Variants in MGAT3 observed in about 807,000 individuals in gnomAD.
MGAT3 encodes the protein beta-1,4-mannosyl-glycoprotein 4-beta-N-acetylglucosaminyltransferase.
Under a neutral mutation model 29.8 loss-of-function variants are expected in MGAT3, and 9 were observed. That is an observed-to-expected ratio of 0.30 (90% CI 0.18 to 0.53). The LOEUF (loss-of-function observed/expected upper bound fraction) is 0.53, where lower values mean the gene tolerates loss of function less well. Among genes scored for constraint, MGAT3 ranks in the 20% least tolerant of loss-of-function variants. The pLI, the probability that MGAT3 is intolerant of heterozygous loss-of-function variation, is 0.96. For synonymous variants in MGAT3, 397 were observed against 348.9 expected, an observed-to-expected ratio of 1.14 and a Z score of -1.54; for missense variants, 557 against 769.5, an observed-to-expected ratio of 0.72 and a Z score of 3.27.
chr22:39,477,049 G>C (rs936103365), intron 1 of MGAT3, among the ~76,000 whole-genome samples: 1 of 152,140 alleles, frequency 6.6e-6, no homozygotes, highest in African/African-American at 2.4e-5. Context: ...TTCAGAGTCC[G>C]GGGAGGTGCT....
chr22:39,471,862 C>T (rs1053741681), intron 1 of MGAT3, among the ~76,000 whole-genome samples: 1 of 152,154 alleles, frequency 6.6e-6, no homozygotes. Flanking sequence ...GACAAGCAAA[C>T]AGGAAATTCC....
intron 1 of MGAT3, among the ~76,000 whole-genome samples, chr22:39,467,560 G>A (rs970763620): frequency 6.6e-6 from 1 of 152,192 alleles, no homozygotes; most frequent in African/African-American, 2.4e-5. Flanking sequence ...AAGAGAATAC[G>A]AAGTACAGTG....
chr22:39,469,837 C>T (rs1319302107), intron 1 of MGAT3, among the ~76,000 whole-genome samples: 1 of 152,234 alleles, frequency 6.6e-6, no homozygotes, highest in African/African-American at 2.4e-5. Context: ...GAGGGGCTGG[C>T]ACTGCCGGGG....
At chr22:39,458,325 GT>G (rs1928399989) in intron 1 of MGAT3, among the ~76,000 whole-genome samples, 1 of 152,124 alleles carries the variant, frequency 6.6e-6, no homozygotes, top group African/African-American at 2.4e-5. Flanking sequence ...GTGGTCTGAG[GT>G]CGGATGACCC....
chr22:39,465,719 G>T (rs1007317992), intron 1 of MGAT3, among the ~76,000 whole-genome samples: 2 of 152,066 alleles, frequency 1.3e-5, no homozygotes, highest in African/African-American at 4.8e-5. Context: ...ATCACCAGAG[G>T]TCAGGTGTTC....
intron 1 of MGAT3, among the ~76,000 whole-genome samples, chr22:39,474,460 C>T (rs556817809): frequency 1.1e-4 from 17 of 152,276 alleles, no homozygotes; most frequent in East Asian, 3.9e-4. Context: ...TTGCCAGCTG[C>T]GAGTTTGAGG....
intron 1 of MGAT3, among the ~76,000 whole-genome samples, chr22:39,470,816 G>A (rs962182846): frequency 2.0e-5 from 3 of 152,308 alleles, no homozygotes; most frequent in East Asian, 3.9e-4. Flanking sequence ...GAGGCACCGA[G>A]GCCCAGGGTA....
intron 1 of MGAT3, among the ~76,000 whole-genome samples, chr22:39,483,689 A>C (rs756278071): frequency 3.9e-5 from 6 of 152,122 alleles, no homozygotes; most frequent in Admixed American, 2.6e-4. Flanking sequence ...GTCCAGCCCA[A>C]CTGGTCTCAC....
chr22:39,469,187 G>A (rs370796004), intron 1 of MGAT3, among the ~76,000 whole-genome samples: 2 of 149,548 alleles, frequency 1.3e-5, no homozygotes, highest in East Asian at 1.9e-4. Flanking sequence ...GCAGTGGGAC[G>A]GACAAGCCTT....
At chr22:39,472,407 C>G (rs1247739769) in intron 1 of MGAT3, among the ~76,000 whole-genome samples, 2 of 152,210 alleles carry the variant, frequency 1.3e-5, no homozygotes, top group African/African-American at 2.4e-5. Flanking sequence ...GTTCCCTATC[C>G]TCGTCCCACT....
At chr22:39,462,880 T>C (rs1290768213) in intron 1 of MGAT3, among the ~76,000 whole-genome samples, 1 of 152,258 alleles carries the variant, frequency 6.6e-6, no homozygotes, top group Non-Finnish European at 1.5e-5. Flanking sequence ...CTTTGGTTCT[T>C]ACCGAAGTGG....
At chr22:39,467,211 GC>G (rs1928673912) in intron 1 of MGAT3, among the ~76,000 whole-genome samples, 1 of 152,246 alleles carries the variant, frequency 6.6e-6, no homozygotes, top group African/African-American at 2.4e-5. Context: ...CCAAGCAGGT[GC>G]CAGGCCCTGA....
At chr22:39,486,252 A>C (rs1473195602) in intron 1 of MGAT3, 2 of 384,038 alleles carry the variant, frequency 5.2e-6, no homozygotes, top group Non-Finnish European at 1.0e-5. Flanking sequence ...GGTTCAAGTA[A>C]TTCTCCTGCC....
chr22:39,460,278 G>A (rs148408829), intron 1 of MGAT3, among the ~76,000 whole-genome samples: 2 of 152,236 alleles, frequency 1.3e-5, no homozygotes, highest in Admixed American at 6.5e-5. Context: ...TGGACAGAGA[G>A]GACATAGGCC....
At chr22:39,459,051 C>A (rs868855011) in intron 1 of MGAT3, among the ~76,000 whole-genome samples, 2 of 135,454 alleles carry the variant, frequency 1.5e-5, no homozygotes, top group African/African-American at 3.1e-5. Context: ...CTGGTGATTC[C>A]TTTTTCTTTT....
At chr22:39,468,762 G>A (rs997014977) in intron 1 of MGAT3, among the ~76,000 whole-genome samples, 1 of 151,966 alleles carries the variant, frequency 6.6e-6, no homozygotes, top group Non-Finnish European at 1.5e-5. Flanking sequence ...CTTGAGGCTG[G>A]GGACCCAGGG....
At chr22:39,482,414 G>A (rs530340320) in intron 1 of MGAT3, among the ~76,000 whole-genome samples, 3 of 152,212 alleles carry the variant, frequency 2.0e-5, no homozygotes, top group Non-Finnish European at 4.4e-5. Flanking sequence ...TGTCATGAGG[G>A]AGAGAGGCAC....
At position 39,488,949 on chromosome 22, in the gene MGAT3, G is replaced by C; in HGVS notation, c.1602G>C (p.Ter534TyrextTer5). The C allele has an allele frequency of 6.2e-7, 1 of 1,603,812 alleles. No individual in the cohort carries two copies. Among genetic ancestry groups the C allele is most frequent in the Non-Finnish European group, 8.5e-7 (1 of 1,176,054 alleles). Reference sequence around the variant, plus strand: ...GCAAACTGGACGAGGCGGAAGTCTAGAGCTGCATGATCTGATAGGGTTTGT... The same window carrying C: ...GCAAACTGGACGAGGCGGAAGTCTACAGCTGCATGATCTGATAGGGTTTGT... ...ARGKLDEAEV[*>Y] Residue 534 changes from the stop codon to tyrosine (Y), a stop_lost, in exon 2 of 2, where the codon TAG becomes TAC. Transcript: ENST00000341184.
intron 1 of MGAT3, among the ~76,000 whole-genome samples, chr22:39,459,854 G>T (rs576905201): frequency 3.9e-5 from 6 of 152,338 alleles, no homozygotes; most frequent in African/African-American, 1.4e-4. Context: ...GAGATCGCTG[G>T]CTGCGGTATT....
Sources: gnomAD v4.1 joint callset for allele counts (sites outside exome capture counted in the v4.1 genomes callset) on GRCh38, gnomAD v4.1.1 for gene constraint, MANE v1.5 for transcripts, NCBI Gene and HGNC (gene_info 2026-07-23, HGNC 2026-07-21) for gene names.